The following ATP9B variants were observed in gnomAD, a reference collection of about 807,000 sequenced individuals.
ATP9B encodes the protein probable phospholipid-transporting ATPase IIB.
Under a neutral mutation model 146.1 loss-of-function variants are expected in ATP9B, and 110 were observed. The ratio of observed to expected loss-of-function variants is 0.75; its 90% CI spans 0.65 to 0.88. ATP9B has a LOEUF of 0.88. Ranked by LOEUF, ATP9B falls within the 40% of genes least tolerant of loss-of-function variation. ATP9B has a pLI of 0.00. For missense variants in ATP9B, 1,499 were observed against 1,496.4 expected (o/e 1.00, Z -0.03); for synonymous variants, 604 against 569.7 (o/e 1.06, Z -0.86).
At chr18:79,321,105 A>G (rs2096713248) in intron 15 of ATP9B, among the ~76,000 whole-genome samples, 1 of 152,238 alleles carries the variant, frequency 6.6e-6, no homozygotes, top group African/African-American at 2.4e-5. Context: ...TATTTCAGAT[A>G]TACCAAGAGA....
At chr18:79,231,478 C>CA (rs1177259904) in intron 11 of ATP9B, among the ~76,000 whole-genome samples, 1 of 151,982 alleles carries the variant, frequency 6.6e-6, no homozygotes, top group South Asian at 2.1e-4. Context: ...TGGCCATAAT[C>CA]AAAAAATAGT....
chr18:79,269,507 T>C (rs866491965), intron 12 of ATP9B, among the ~76,000 whole-genome samples: 4 of 152,336 alleles, frequency 2.6e-5, no homozygotes, highest in African/African-American at 7.2e-5. Context: ...AAAAAATTTT[T>C]ATGTATCCGT....
chr18:79,306,868 TC>T, intron 14 of ATP9B, 117 bp from the exon 15 acceptor site: 26 of 1,193,232 alleles, frequency 2.2e-5, no homozygotes, highest in Non-Finnish European at 2.9e-5. Flanking sequence ...CAGAATCAAA[TC>T]AGGCTACTTA....
chr18:79,268,193 T>C (rs1267143188), intron 12 of ATP9B, among the ~76,000 whole-genome samples: 1 of 152,136 alleles, frequency 6.6e-6, no homozygotes, highest in Admixed American at 6.6e-5. Context: ...TGGCATATCT[T>C]TTTCCATCTT....
intron 4 of ATP9B, among the ~76,000 whole-genome samples, chr18:79,120,105 C>A (rs1300862150): frequency 6.6e-6 from 1 of 152,118 alleles, no homozygotes; most frequent in Middle Eastern, 3.2e-3. Context: ...CTCATAAGCC[C>A]TTGAGTTCTT....
chr18:79,221,300 G>A (rs1273159914), intron 11 of ATP9B, among the ~76,000 whole-genome samples: 11 of 152,188 alleles, frequency 7.2e-5, no homozygotes, highest in Non-Finnish European at 2.9e-5. Context: ...AGGACATGAA[G>A]GAGCATCCTC....
At chr18:79,203,466 T>A (rs1286049978) in intron 9 of ATP9B, among the ~76,000 whole-genome samples, 1 of 152,256 alleles carries the variant, frequency 6.6e-6, no homozygotes, top group Non-Finnish European at 1.5e-5. Context: ...TGACTCATTA[T>A]AGCATCATGC....
At chr18:79,082,848 G>A (rs866252337) in intron 1 of ATP9B, among the ~76,000 whole-genome samples, 1 of 152,210 alleles carries the variant, frequency 6.6e-6, no homozygotes, top group South Asian at 2.1e-4. Context: ...GTTGACCCCT[G>A]CTAGGAGGTG....
intron 7 of ATP9B, among the ~76,000 whole-genome samples, chr18:79,158,891 A>G (rs2094835901): frequency 6.6e-6 from 1 of 151,982 alleles, no homozygotes; most frequent in African/African-American, 2.4e-5. Context: ...TTCATCTTCT[A>G]TCTAGTTGTC....
intron 2 of ATP9B, among the ~76,000 whole-genome samples, chr18:79,103,730 A>G (rs1418730519): frequency 6.6e-6 from 1 of 152,170 alleles, no homozygotes; most frequent in Non-Finnish European, 1.5e-5. Context: ...AAGGAAAATC[A>G]ATAATAATTT....
At chr18:79,233,312 T>A (rs1029026738) in intron 11 of ATP9B, among the ~76,000 whole-genome samples, 2 of 151,732 alleles carry the variant, frequency 1.3e-5, no homozygotes, top group Non-Finnish European at 2.9e-5. Flanking sequence ...TACAACTATG[T>A]ATAATGGGGA....
intron 11 of ATP9B, among the ~76,000 whole-genome samples, chr18:79,245,587 GCCCTAATGACTGTGCGGAGGGTACCA>G (rs2095939004): frequency 7.2e-6 from 1 of 139,156 alleles, no homozygotes; most frequent in African/African-American, 2.7e-5. Context: ...GGAGGGCACC[GCCCTAATGACTGTGCGGAGGGTACCA>G]CCCTACTGAC....
chr18:79,279,885 G>A (rs1030427277), intron 13 of ATP9B, among the ~76,000 whole-genome samples: 9 of 152,152 alleles, frequency 5.9e-5, no homozygotes, highest in South Asian at 2.1e-4. Context: ...TTAAGTTAGC[G>A]TTAGCGCATC....
At chr18:79,179,236 G>A (rs2095220462) in intron 8 of ATP9B, among the ~76,000 whole-genome samples, 1 of 151,912 alleles carries the variant, frequency 6.6e-6, no homozygotes, top group East Asian at 1.9e-4. Flanking sequence ...CAAAGAACTT[G>A]TTTTTGGTTT....
chr18:79,163,305 C>G (rs1004719465), intron 7 of ATP9B, among the ~76,000 whole-genome samples: 2 of 152,104 alleles, frequency 1.3e-5, no homozygotes, highest in Non-Finnish European at 2.9e-5. Context: ...TGAGGCATGG[C>G]TTTTTTCTTT....
At chr18:79,087,969 T>C (rs1358839308) in intron 1 of ATP9B, among the ~76,000 whole-genome samples, 2 of 152,232 alleles carry the variant, frequency 1.3e-5, no homozygotes, top group East Asian at 3.8e-4. Context: ...ACCAATTAAG[T>C]GTGTATGACA....
intron 13 of ATP9B, among the ~76,000 whole-genome samples, chr18:79,297,107 GAC>G (rs2096556100): frequency 6.9e-6 from 1 of 144,474 alleles, no homozygotes; most frequent in South Asian, 2.2e-4. Flanking sequence ...CCAGAGAGAA[GAC>G]ACAGACGACC....
chr18:79,227,931 A>C (rs2095752948), intron 11 of ATP9B, among the ~76,000 whole-genome samples: 1 of 152,222 alleles, frequency 6.6e-6, no homozygotes, highest in Non-Finnish European at 1.5e-5. Flanking sequence ...AGTTTTTAAA[A>C]ATGGTTTCCT....
At chr18:79,219,392 T>C (rs1348192449) in intron 11 of ATP9B, among the ~76,000 whole-genome samples, 1 of 151,980 alleles carries the variant, frequency 6.6e-6, no homozygotes, top group Non-Finnish European at 1.5e-5. Flanking sequence ...TTATTGATTT[T>C]GGTTTTTTTT....
Sources: allele counts gnomAD v4.1 joint callset (sites outside exome capture counted in the v4.1 genomes callset), GRCh38; gene constraint gnomAD v4.1.1; transcripts MANE v1.5; gene names NCBI Gene and HGNC (gene_info 2026-07-23, HGNC 2026-07-21).